Variants in PBX1 observed in about 807,000 individuals in gnomAD.
PBX1 encodes the protein pre-B-cell leukemia transcription factor 1.
In PBX1, 6 loss-of-function variants were observed where a neutral mutation model predicts 53.4. The ratio of observed to expected loss-of-function variants is 0.11; its 90% CI spans 0.06 to 0.22. PBX1 has a LOEUF of 0.22. Among genes scored for constraint, PBX1 ranks in the 10% least tolerant of loss-of-function variants. The pLI, the probability that PBX1 is intolerant of heterozygous loss-of-function variation, is 1.00. For synonymous variants in PBX1, 204 were observed against 212.3 expected (o/e 0.96, Z 0.34); for missense variants, 251 against 551.4 (o/e 0.46, Z 5.46).
intron 2 of PBX1, among the ~76,000 whole-genome samples, chr1:164,587,535 G>T (rs773409072): frequency 1.2e-4 from 18 of 151,488 alleles, no homozygotes; most frequent in Middle Eastern, 6.3e-3. Context: ...TGATCTTTGT[G>T]TGTCTGATTT....
At chr1:164,744,429 C>T (rs901372581) in intron 2 of PBX1, among the ~76,000 whole-genome samples, 2 of 152,078 alleles carry the variant, frequency 1.3e-5, no homozygotes, top group Non-Finnish European at 2.9e-5. Context: ...GAACAGAGCC[C>T]CTCTTAACTG....
At chr1:164,884,969 T>C (rs1672745048) in intron 2 of PBX1, among the ~76,000 whole-genome samples, 1 of 152,152 alleles carries the variant, frequency 6.6e-6, no homozygotes, top group Non-Finnish European at 1.5e-5. Context: ...AAAAAGACAA[T>C]TAACTACATA....
In PBX1 at chr1:164,559,679, T is replaced by G; in HGVS notation, c.-144T>G. 2 of 545,332 alleles carry G rather than the reference T, an allele frequency of 3.7e-6. No homozygotes were observed. The highest frequency in any genetic ancestry group is 6.1e-6 in the Non-Finnish European group (2 of 328,578). The allele number at this position is 545,332 out of a possible 1,614,324, so 33.8% of individuals were successfully genotyped here. ...AAGAGGCAAAGGGATTTTTTTTTTC[T>G]TTTGGTCTTCTTTTTTCCCCCTTCC... On this transcript the variant is annotated 5_prime_UTR_variant, in exon 1 of 9. Coordinates refer to ENST00000420696, the MANE Select transcript of PBX1 (RefSeq NM_002585.4).
At position 164,846,644 on chromosome 1, in the gene PBX1, C is replaced by T; in HGVS notation, c.1261C>T (p.Pro421Ser). The T allele has an allele frequency of 6.2e-7, 1 of 1,614,068 alleles. No individual in the cohort carries two copies. Among genetic ancestry groups the T allele is most frequent in the Non-Finnish European group, 8.5e-7 (1 of 1,179,972 alleles). The change falls in exon 9 of 9, where the codon CCT becomes TCT. Residue 421 changes from proline to serine, a missense_variant. Around this residue, in one of 4 missense-constraint regions of PBX1, gnomAD observed 92 missense variants for 130.4 expected, o/e 0.71. Transcript: ENST00000420696. ...ATCAGTGACCTCCCCTACAGAAGGC[C>T]CTGGCAGTGTTCACTCTGATACCTC... ...PSSVTSPTEG[P>S]GSVHSDTSN
At chr1:164,715,383 G>A (rs1225759457) in intron 2 of PBX1, among the ~76,000 whole-genome samples, 1 of 152,134 alleles carries the variant, frequency 6.6e-6, no homozygotes, top group African/African-American at 2.4e-5. Flanking sequence ...CTTTGTAGTT[G>A]GTTGTTCATG....
intron 7 of PBX1, 65 bp from the exon 8 acceptor site, chr1:164,821,472 G>A (rs1670149869): frequency 8.1e-7 from 1 of 1,233,032 alleles, no homozygotes; most frequent in South Asian, 1.2e-5. Context: ...GCCTGATGAT[G>A]ATCTGCCTCC....
intron 2 of PBX1, among the ~76,000 whole-genome samples, chr1:164,788,803 T>C (rs540124947): frequency 2.1e-5 from 3 of 139,796 alleles, no homozygotes; most frequent in African/African-American, 5.3e-5. Context: ...AGAACTCTGA[T>C]TGGGGACCTA....
intron 2 of PBX1, among the ~76,000 whole-genome samples, chr1:164,611,442 G>A (rs1656919704): frequency 6.6e-6 from 1 of 152,058 alleles, no homozygotes; most frequent in Admixed American, 6.5e-5. Context: ...GTTTCACCGT[G>A]TTAGCCAGGA....
intron 2 of PBX1, among the ~76,000 whole-genome samples, chr1:164,788,599 T>C (rs1668318178): frequency 6.6e-6 from 1 of 152,122 alleles, no homozygotes; most frequent in African/African-American, 2.4e-5. Flanking sequence ...TAGTGCAAGA[T>C]GGTTTTCTTT....
intron 8 of PBX1, among the ~76,000 whole-genome samples, chr1:164,823,413 A>G (rs1322449893): frequency 6.6e-6 from 1 of 152,098 alleles, no homozygotes; most frequent in African/African-American, 2.4e-5. Context: ...TTCCAGAGAA[A>G]GCTTTGCTCT....
intron 2 of PBX1, among the ~76,000 whole-genome samples, chr1:164,711,580 G>A (rs1394663287): frequency 3.3e-5 from 5 of 152,236 alleles, no homozygotes; most frequent in South Asian, 4.1e-4. Flanking sequence ...TCTTTTTGTC[G>A]TGTCTACCTT....
intron 2 of PBX1, among the ~76,000 whole-genome samples, chr1:164,576,401 C>G (rs1184585173): frequency 2.6e-5 from 4 of 152,316 alleles, no homozygotes; most frequent in Admixed American, 6.5e-5. Flanking sequence ...GGTCCGCCGG[C>G]GCGGCGCCGC....
intron 2 of PBX1, among the ~76,000 whole-genome samples, chr1:164,672,722 CAT>C (rs1204817662): frequency 6.6e-6 from 1 of 152,216 alleles, no homozygotes; most frequent in Non-Finnish European, 1.5e-5. Context: ...GCCTTTGCAT[CAT>C]GTGTGTACAT....
At chr1:164,609,861 G>C (rs985928578) in intron 2 of PBX1, among the ~76,000 whole-genome samples, 1 of 152,042 alleles carries the variant, frequency 6.6e-6, no homozygotes, top group Non-Finnish European at 1.5e-5. Context: ...TTTAATGTTG[G>C]GGGGGATATG....
chr1:164,726,212 C>T (rs1331598606), intron 2 of PBX1, among the ~76,000 whole-genome samples: 1 of 152,158 alleles, frequency 6.6e-6, no homozygotes, highest in Non-Finnish European at 1.5e-5. Flanking sequence ...TTTTGGTCAA[C>T]CCACGGTTGC....
At chr1:164,762,953 G>A (rs1449518109) in intron 2 of PBX1, among the ~76,000 whole-genome samples, 1 of 152,000 alleles carries the variant, frequency 6.6e-6, no homozygotes, top group Admixed American at 6.6e-5. Context: ...TACTAATATT[G>A]GTATAATAAT....
chr1:164,677,500 C>A (rs1661502835), intron 2 of PBX1, among the ~76,000 whole-genome samples: 1 of 152,104 alleles, frequency 6.6e-6, no homozygotes, highest in Admixed American at 6.5e-5. Flanking sequence ...CTTAGGGGAA[C>A]TTCTAGTGTT....
In PBX1 at chr1:164,648,834, GCA is replaced by G. The variant is rs1436771721; in HGVS notation, c.265+85525_265+85526del. Among the ~76,000 whole-genome samples the G allele has an allele frequency of 1.9e-4, 29 of 152,332 alleles. No individual in the cohort carries two copies. The South Asian group carries it at 5.8e-3, about 30-fold the overall frequency. ...AGGCAGTGTAATGTAATGAAAACAT[GCA>G]CCAGAGCAGGGGCCTCTAGCCCCAG... On this transcript the variant is annotated intron_variant, in intron 2 of 8. Coordinates refer to ENST00000420696, the MANE Select transcript of PBX1 (RefSeq NM_002585.4).
intron 2 of PBX1, among the ~76,000 whole-genome samples, chr1:164,742,382 A>C (rs926791896): frequency 2.0e-5 from 3 of 152,176 alleles, no homozygotes; most frequent in Non-Finnish European, 4.4e-5. Context: ...TGTCTACTAA[A>C]AATACAAAAA....
Sources: allele counts gnomAD v4.1 joint callset (sites outside exome capture counted in the v4.1 genomes callset), GRCh38; gene constraint gnomAD v4.1.1; regional missense constraint gnomAD v4.1.1; transcripts MANE v1.5; gene names NCBI Gene and HGNC (gene_info 2026-07-23, HGNC 2026-07-21).